The following SCAI variants were observed in gnomAD, a reference collection of about 807,000 sequenced individuals.
The protein encoded by SCAI is suppressor of cancer cell invasion, also known as protein SCAI.
Under a neutral mutation model 92.2 loss-of-function variants are expected in SCAI, and 24 were observed. The ratio of observed to expected loss-of-function variants is 0.26; its 90% CI spans 0.19 to 0.37. The LOEUF (loss-of-function observed/expected upper bound fraction) is 0.37. Among genes scored for constraint, SCAI ranks in the 10% least tolerant of loss-of-function variants. The pLI is 1.00. For synonymous variants in SCAI, 261 were observed against 258.6 expected, an observed-to-expected ratio of 1.01 and a Z score of -0.09; for missense variants, 450 against 736.2, an observed-to-expected ratio of 0.61 and a Z score of 4.50.
chr9:125,052,291 C>T (rs1253425390), intron 3 of SCAI, among the ~76,000 whole-genome samples: 7 of 152,092 alleles, frequency 4.6e-5, no homozygotes, highest in Admixed American at 1.3e-4. Context: ...AAAGACATGC[C>T]GGTTTGCGGT....
intron 12 of SCAI, among the ~76,000 whole-genome samples, chr9:125,000,307 C>T (rs1832329195): frequency 6.6e-6 from 1 of 152,068 alleles, no homozygotes; most frequent in South Asian, 2.1e-4. Flanking sequence ...TTCAAAATGA[C>T]CTTTACATTT....
At chr9:125,000,460 G>A (rs761423354) in intron 12 of SCAI, among the ~76,000 whole-genome samples, 2 of 151,914 alleles carry the variant, frequency 1.3e-5, no homozygotes, top group Non-Finnish European at 2.9e-5. Context: ...GACCAGCCTG[G>A]GCAATATAGT....
chr9:124,987,149 G>T (rs1331079303), intron 14 of SCAI, among the ~76,000 whole-genome samples: 1 of 151,998 alleles, frequency 6.6e-6, no homozygotes, highest in Non-Finnish European at 1.5e-5. Context: ...TCGGCCTCCT[G>T]AATAGCTGGG....
intron 6 of SCAI, among the ~76,000 whole-genome samples, chr9:125,024,966 T>A (rs980712718): frequency 1.3e-5 from 2 of 152,210 alleles, no homozygotes; most frequent in African/African-American, 4.8e-5. Flanking sequence ...CTCGACATAA[T>A]CCTTAGCTGT....
intron 9 of SCAI, among the ~76,000 whole-genome samples, chr9:125,009,444 AT>A (rs1331069529): frequency 6.6e-6 from 1 of 151,972 alleles, no homozygotes; most frequent in Non-Finnish European, 1.5e-5. Context: ...TAATTTTTGT[AT>A]TTTAAGTAGA....
intron 2 of SCAI, among the ~76,000 whole-genome samples, chr9:125,115,561 C>T (rs1452455056): frequency 1.3e-5 from 2 of 151,960 alleles, no homozygotes; most frequent in Non-Finnish European, 2.9e-5. Context: ...TGCATCAACA[C>T]AAATGAATCT....
chr9:125,008,092 G>A (rs1322822065), intron 9 of SCAI, among the ~76,000 whole-genome samples: 2 of 151,586 alleles, frequency 1.3e-5, no homozygotes, highest in South Asian at 2.1e-4. Context: ...TGATCCGCCC[G>A]CCTCGGCCTC....
intron 1 of SCAI, 60 bp from the exon 2 acceptor site, chr9:125,142,737 C>A: frequency 2.1e-6 from 3 of 1,456,250 alleles, no homozygotes; most frequent in South Asian, 2.3e-5. Flanking sequence ...CATCTCCCGG[C>A]GCTACCGTGC....
intron 14 of SCAI, among the ~76,000 whole-genome samples, chr9:124,977,972 T>C (rs1831797067): frequency 1.3e-5 from 2 of 152,154 alleles, no homozygotes; most frequent in Admixed American, 1.3e-4. Context: ...AAAAAAATAA[T>C]TATTTTTTTT....
intron 2 of SCAI, among the ~76,000 whole-genome samples, chr9:125,058,478 G>C (rs1193178299): frequency 6.6e-6 from 1 of 151,766 alleles, no homozygotes; most frequent in Non-Finnish European, 1.5e-5. Flanking sequence ...TCATGCCACT[G>C]TACTTCAGCC....
intron 2 of SCAI, among the ~76,000 whole-genome samples, chr9:125,074,344 C>T (rs1834043133): frequency 6.6e-6 from 1 of 151,186 alleles, no homozygotes; most frequent in African/African-American, 2.4e-5. Context: ...ACAACCCCCA[C>T]CTCCCAGGTT....
At chr9:125,122,862 C>T (rs1835183949) in intron 2 of SCAI, among the ~76,000 whole-genome samples, 3 of 152,146 alleles carry the variant, frequency 2.0e-5, no homozygotes, top group African/African-American at 4.8e-5. Flanking sequence ...GCCAAGATCG[C>T]ACCACCGCAT....
At chr9:124,976,954 C>T (rs1831771621) in intron 14 of SCAI, among the ~76,000 whole-genome samples, 2 of 151,854 alleles carry the variant, frequency 1.3e-5, no homozygotes, top group African/African-American at 4.8e-5. Context: ...CTGAAACCTC[C>T]GTCTCCCTGG....
At chr9:125,007,031 A>G (rs973069443) in intron 9 of SCAI, among the ~76,000 whole-genome samples, 8 of 152,070 alleles carry the variant, frequency 5.3e-5, no homozygotes, top group African/African-American at 1.9e-4. Flanking sequence ...TGGTGGGAGA[A>G]TCAACTGAAC....
intron 9 of SCAI, among the ~76,000 whole-genome samples, chr9:125,012,774 T>C (rs1287674419): frequency 6.6e-6 from 1 of 152,164 alleles, no homozygotes; most frequent in Non-Finnish European, 1.5e-5. Flanking sequence ...ACCACATAGT[T>C]GGAAGTAAAG....
intron 4 of SCAI, 21 bp downstream of exon 4, chr9:125,029,623 T>C: frequency 6.5e-7 from 1 of 1,528,764 alleles, no homozygotes; most frequent in Non-Finnish European, 9.1e-7. Context: ...TCACTCTCCT[T>C]TAACTATAAA....
At chr9:124,963,757 C>CA (rs36017738) in intron 17 of SCAI, among the ~76,000 whole-genome samples, 30,229 of 51,714 alleles carry the variant, frequency 0.58, 8,135 homozygotes, top group Non-Finnish European at 0.62. Context: ...GAATCTGTCT[C>CA]AAAAAAAAAA....
At chr9:125,005,065 G>T (rs1175019488) in intron 9 of SCAI, among the ~76,000 whole-genome samples, 2 of 151,652 alleles carry the variant, frequency 1.3e-5, no homozygotes, top group African/African-American at 2.4e-5. Flanking sequence ...TGGGATCACA[G>T]GCATGAGCTA....
chr9:124,984,312 T>G (rs1227622418), intron 14 of SCAI, among the ~76,000 whole-genome samples: 2 of 152,226 alleles, frequency 1.3e-5, no homozygotes, highest in South Asian at 4.1e-4. Context: ...GAGGGGTATA[T>G]GTAAGCAGAA....
Sources: gnomAD v4.1 joint callset for allele counts (sites outside exome capture counted in the v4.1 genomes callset) on GRCh38, gnomAD v4.1.1 for gene constraint, MANE v1.5 for transcripts, NCBI Gene and HGNC (gene_info 2026-07-23, HGNC 2026-07-21) for gene names.